The following OASL variants were observed in gnomAD, a reference collection of about 807,000 sequenced individuals.
OASL encodes the protein 2'-5'-oligoadenylate synthase-like protein.
In OASL, 28 loss-of-function variants were observed where a neutral mutation model predicts 35.3. That is an observed-to-expected ratio of 0.79 (90% confidence interval 0.59 to 1.09). OASL has a LOEUF of 1.09. Ranked by LOEUF, OASL falls within the 50% of genes least tolerant of loss-of-function variation. The pLI, the probability that OASL is intolerant of heterozygous loss-of-function variation, is 0.00. For missense variants in OASL, 620 were observed against 635.2 expected, an observed-to-expected ratio of 0.98 and a Z score of 0.26; for synonymous variants, 252 against 254.6, an observed-to-expected ratio of 0.99 and a Z score of 0.10.
downstream of OASL, among the ~76,000 whole-genome samples, chr12:121,018,436 C>T (rs563879654): frequency 1.5e-4 from 23 of 151,450 alleles, no homozygotes; most frequent in Admixed American, 3.9e-4. Flanking sequence ...CGCGAGTGGC[C>T]TTGCGCCTTG....
At chr12:121,031,574 C>T (rs1163823928) in exon 3 of OASL, 2 of 1,613,890 alleles carry the variant, frequency 1.2e-6, no homozygotes, top group East Asian at 2.2e-5. Flanking sequence ...TGATCAGGCT[C>T]ACATAGACCT....
chr12:121,020,921 C>G (rs1405516506), exon 6 of OASL: 1 of 1,614,070 alleles, frequency 6.2e-7, no homozygotes, highest in Admixed American at 1.7e-5. Flanking sequence ...CCTGGAAGGA[C>G]AGACGCTGCA....
chr12:121,020,959 T>G, exon 6 of OASL: 1 of 1,614,126 alleles, frequency 6.2e-7, no homozygotes, highest in Non-Finnish European at 8.5e-7. Flanking sequence ...GTCCTCCGGA[T>G]TTTCTCTTTA....
chr12:121,029,031 C>T (rs1202759451), intron 3 of OASL, among the ~76,000 whole-genome samples: 1 of 144,172 alleles, frequency 6.9e-6, no homozygotes, highest in Non-Finnish European at 1.5e-5. Flanking sequence ...TGCCACTGCA[C>T]TCCAGCCTGG....
rs558316578 is a variant in OASL at position 121,037,396 on chromosome 12, G to A, written c.198+1378C>T. On this transcript the variant is annotated intron_variant, in intron 1 of 5. Coordinates refer to ENST00000257570, the Ensembl canonical transcript of OASL. ...TTGGGGGAAAATCTCAGTGAGGGGG[G>A]CTTGGGTCCCTTGAGTCAAGTTCAA... 7.9e-5 allele frequency among the ~76,000 whole-genome samples: 12 copies of A among 152,076 alleles called. No individual in the cohort carries two copies. In the East Asian group the frequency reaches 1.9e-3, roughly 25 times the overall value.
chr12:121,022,333 C>T (rs1162091351), intron 5 of OASL, among the ~76,000 whole-genome samples: 1 of 152,166 alleles, frequency 6.6e-6, no homozygotes, highest in Non-Finnish European at 1.5e-5. Context: ...GATCTGCCCA[C>T]CTCGGCCTCC....
At chr12:121,023,942 T>C in intron 5 of OASL, 48 bp downstream of exon 5, 1 of 1,607,126 alleles carries the variant, frequency 6.2e-7, no homozygotes, top group East Asian at 2.2e-5. Flanking sequence ...GTAGTTTATC[T>C]GTCGTTCTGA....
chr12:121,019,434 A>G (rs1050716716), exon 6 of OASL: 1 of 152,184 alleles, frequency 6.6e-6, no homozygotes, highest in Non-Finnish European at 1.5e-5. Context: ...ACCTGATCAC[A>G]TGACGTCCTT....
intron 4 of OASL, among the ~76,000 whole-genome samples, chr12:121,026,851 TAAA>T (rs576220572): frequency 7.3e-6 from 1 of 136,860 alleles, no homozygotes. Flanking sequence ...AACTCTGTCT[TAAA>T]AAAAAAAAAA....
At chr12:121,021,200 T>C (rs1338716842) in intron 5 of OASL, 142 bp from the exon 6 acceptor site, 1 of 778,472 alleles carries the variant, frequency 1.3e-6, no homozygotes, top group Non-Finnish European at 2.0e-6. Context: ...GTAAGCACTT[T>C]CCAGGCTGTA....
At chr12:121,037,893 C>T (rs1297121381) in intron 1 of OASL, among the ~76,000 whole-genome samples, 2 of 152,046 alleles carry the variant, frequency 1.3e-5, no homozygotes, top group African/African-American at 4.8e-5. Context: ...GAGTTCGAGA[C>T]CAGCATGGGC....
In OASL at chr12:121,026,846, T is replaced by C. The variant is rs956576569; in HGVS notation, c.899+730A>G. On this transcript the variant is annotated intron_variant, in intron 4 of 5. Coordinates refer to ENST00000257570, the Ensembl canonical transcript of OASL. ...CACCCTGGGTGACAGAGCAAAACTCTGTCTTAAAAAAAAAAAAAAAAAGTT... is the reference window on the plus strand; with the variant it reads ...CACCCTGGGTGACAGAGCAAAACTCCGTCTTAAAAAAAAAAAAAAAAAGTT... Among the ~76,000 whole-genome samples, 11 of 149,682 alleles carry C rather than the reference T, an allele frequency of 7.3e-5. 1 individual carries two copies. In the East Asian group the frequency reaches 1.0e-3, roughly 14 times the overall value.
At chr12:121,020,937 G>T (rs139315256) in exon 6 of OASL, 8 of 1,614,080 alleles carry the variant, frequency 5.0e-6, no homozygotes, top group Non-Finnish European at 6.8e-6. Flanking sequence ...CTGCAGGCCA[G>T]AGTAGCCCCT....
At chr12:121,033,596 G>T in exon 2 of OASL, 1 of 1,614,182 alleles carries the variant, frequency 6.2e-7, no homozygotes, top group Non-Finnish European at 8.5e-7. Context: ...AGCAGGTCCT[G>T]GCTTTGCCAC....
downstream of OASL, among the ~76,000 whole-genome samples, chr12:121,018,664 C>T (rs1188803714): frequency 1.3e-5 from 2 of 151,424 alleles, no homozygotes; most frequent in Admixed American, 6.6e-5. Context: ...GTCAGGAGTT[C>T]GAGACTAGCC....
chr12:121,033,656 C>T, exon 2 of OASL: 1 of 1,614,172 alleles, frequency 6.2e-7, no homozygotes, highest in South Asian at 1.1e-5. Flanking sequence ...TTGGCTGCCT[C>T]CTGGAAGCTG....
Position 121,033,751 on chromosome 12 carries a change from A to G in OASL, c.199-8T>C. ...ATTCCCGAAGGAGCCCACCTGCAGA[A>G]CACAGAGCCCCGTCACCCTGAGGCC... On this transcript the variant is annotated splice_polypyrimidine_tract_variant and splice_region_variant and intron_variant, in intron 1 of 5. Transcript: ENST00000257570. The G allele has an allele frequency of 3.7e-6, 6 of 1,609,730 alleles. No individual in the cohort carries two copies. The highest frequency in any genetic ancestry group is 1.3e-5 in the African/African-American group (1 of 74,894).
At position 121,033,722 on chromosome 12, in the gene OASL, T is replaced by C. The variant is rs755737507; in HGVS notation, c.220A>G (p.Thr74Ala). 1.8e-5 allele frequency: 29 copies of C among 1,613,174 alleles called. No individual in the cohort carries two copies. The South Asian group carries it at 3.1e-4, about 17-fold the overall frequency. ...ACCTCTCTGGTGCTCCTGAGAACCG[T>C]GCCATTCCCGAAGGAGCCCACCTGC... The change falls in exon 2 of 6, where the codon ACG becomes GCG. Residue 74 changes from threonine (T) to alanine (A), a missense_variant. Coordinates refer to ENST00000257570, the Ensembl canonical transcript of OASL.
intron 3 of OASL, among the ~76,000 whole-genome samples, chr12:121,028,300 G>C (rs930339707): frequency 2.6e-5 from 4 of 152,156 alleles, no homozygotes; most frequent in Non-Finnish European, 5.9e-5. Flanking sequence ...GGAAGGGGTT[G>C]ACCCCCACCC....
Sources: gnomAD v4.1 joint callset for allele counts (sites outside exome capture counted in the v4.1 genomes callset) on GRCh38, gnomAD v4.1.1 for gene constraint, MANE v1.5 for transcripts, NCBI Gene and HGNC (gene_info 2026-07-23, HGNC 2026-07-21) for gene names.